TACC1: variants seen among roughly 807,000 people sequenced by gnomAD.
The protein encoded by TACC1 is transforming acidic coiled-coil containing protein 1, also known as transforming acidic coiled-coil-containing protein 1.
Under a neutral mutation model 84.4 loss-of-function variants are expected in TACC1, and 48 were observed. The observed-to-expected ratio is 0.57, with a 90% CI of 0.45 to 0.72. The LOEUF (loss-of-function observed/expected upper bound fraction) is 0.72, where lower values mean the gene tolerates loss of function less well. Ranked by LOEUF, TACC1 falls within the 30% of genes least tolerant of loss-of-function variation. The pLI, the probability that TACC1 is intolerant of heterozygous loss-of-function variation, is 0.00. For synonymous variants in TACC1, 372 were observed against 376.3 expected (o/e 0.99, Z 0.13); for missense variants, 920 against 973.0 (o/e 0.95, Z 0.72).
At chr8:38,773,513 C>T (rs1211882258) in intron 3 of TACC1, among the ~76,000 whole-genome samples, 2 of 150,312 alleles carry the variant, frequency 1.3e-5, no homozygotes, top group Non-Finnish European at 3.0e-5. Flanking sequence ...TTTAAACATA[C>T]ATATTGTCTT....
chr8:38,792,614 C>A (rs1049411688), intron 2 of TACC1, among the ~76,000 whole-genome samples: 1 of 152,150 alleles, frequency 6.6e-6, no homozygotes, highest in African/African-American at 2.4e-5. Context: ...CACAGGCGCC[C>A]ACCACTACGC....
At chr8:38,823,943 T>G in intron 3 of TACC1, 1 of 1,320,768 alleles carries the variant, frequency 7.6e-7, no homozygotes, top group Non-Finnish European at 1.0e-6. Flanking sequence ...GATTTTTTTC[T>G]CCATCTGTCT....
intron 2 of TACC1, among the ~76,000 whole-genome samples, chr8:38,793,167 T>C (rs1267771028): frequency 6.6e-6 from 1 of 152,192 alleles, no homozygotes; most frequent in African/African-American, 2.4e-5. Flanking sequence ...AATGCCTAGG[T>C]ATTTCAAACA....
intron 1 of TACC1, among the ~76,000 whole-genome samples, chr8:38,739,839 C>T: frequency 6.6e-6 from 1 of 152,170 alleles, no homozygotes; most frequent in East Asian, 1.9e-4. Context: ...ATAATAGAGC[C>T]TTCAGGCTGT....
chr8:38,812,656 C>A (rs1264180232), intron 2 of TACC1, among the ~76,000 whole-genome samples: 1 of 152,222 alleles, frequency 6.6e-6, no homozygotes, highest in East Asian at 1.9e-4. Context: ...ATATTCTCTG[C>A]TGCTTAAAAA....
At chr8:38,734,493 C>A (rs1442022438) in intron 1 of TACC1, among the ~76,000 whole-genome samples, 1 of 152,102 alleles carries the variant, frequency 6.6e-6, no homozygotes, top group Non-Finnish European at 1.5e-5. Context: ...ACACGCCTGG[C>A]CATAAGCCTG....
intron 3 of TACC1, chr8:38,757,449 T>G: frequency 8.9e-7 from 1 of 1,126,220 alleles, no homozygotes; most frequent in Middle Eastern, 3.0e-4. Flanking sequence ...CCTTTGGGGG[T>G]TTGCGTGCCA....
chr8:38,755,707 AAACAACAACAACAAC>A (rs71216684), intron 3 of TACC1, among the ~76,000 whole-genome samples: 17 of 140,924 alleles, frequency 1.2e-4, no homozygotes, highest in East Asian at 4.0e-4. Flanking sequence ...CGGTCTTTCA[AAACAACAACAACAAC>A]AACAACAACA....
At chr8:38,796,442 A>G (rs1240435475) in intron 2 of TACC1, among the ~76,000 whole-genome samples, 1 of 152,246 alleles carries the variant, frequency 6.6e-6, no homozygotes, top group Non-Finnish European at 1.5e-5. Flanking sequence ...CATCGTCTTA[A>G]GTATCCTGTC....
chr8:38,821,013 C>A (rs1021106125), intron 3 of TACC1, among the ~76,000 whole-genome samples: 1 of 152,068 alleles, frequency 6.6e-6, no homozygotes, highest in Non-Finnish European at 1.5e-5. Context: ...TGAGACCAGT[C>A]TGACCAACAT....
At chr8:38,830,018 G>A (rs1828904052) in intron 5 of TACC1, among the ~76,000 whole-genome samples, 1 of 152,178 alleles carries the variant, frequency 6.6e-6, no homozygotes, top group East Asian at 1.9e-4. Flanking sequence ...AGGCCTGGTT[G>A]CTTTCTGTAA....
chr8:38,829,070 C>A (rs889489172), intron 5 of TACC1, among the ~76,000 whole-genome samples: 3 of 152,122 alleles, frequency 2.0e-5, no homozygotes, highest in African/African-American at 7.2e-5. Context: ...TTCTTGGGAC[C>A]CCAGTTACAT....
chr8:38,837,313 C>A (rs1352644430), intron 7 of TACC1, among the ~76,000 whole-genome samples: 3 of 151,496 alleles, frequency 2.0e-5, no homozygotes, highest in African/African-American at 7.3e-5. Context: ...ATCCCAGCTA[C>A]TTGGGAGGCT....
intron 3 of TACC1, among the ~76,000 whole-genome samples, chr8:38,762,896 A>G (rs148825895): frequency 6.6e-6 from 1 of 152,056 alleles, no homozygotes; most frequent in African/African-American, 2.4e-5. Context: ...ATCGTTATAC[A>G]AGTACGTGTG....
Position 38,820,342 on chromosome 8 carries a change from G to A in TACC1, c.1098G>A (p.Gln366=). ...DGISKSAGLE[Q]PTDPVARDGP... is the part of the protein sequence containing the mutation. ...TCAGTAAGTCAGCAGGTTTAGAACA[G>A]CCTACAGACCCAGTGGCACGAGACG... The change falls in exon 3 of 13, where the codon CAG becomes CAA. Residue 366 remains glutamine (Q), a synonymous_variant. Coordinates refer to ENST00000317827, the MANE Select transcript of TACC1 (RefSeq NM_006283.3). 2 of 1,614,142 alleles carry A rather than the reference G, an allele frequency of 1.2e-6. No homozygotes were observed. The highest frequency in any genetic ancestry group is 1.7e-6 in the Non-Finnish European group (2 of 1,180,028).
chr8:38,732,399 C>T (rs1805130973), intron 1 of TACC1, among the ~76,000 whole-genome samples: 1 of 150,418 alleles, frequency 6.6e-6, no homozygotes, highest in African/African-American at 2.4e-5. Flanking sequence ...AATTTAAGAG[C>T]TAAATATAGC....
chr8:38,735,162 C>A (rs551318478), intron 1 of TACC1, among the ~76,000 whole-genome samples: 1 of 152,344 alleles, frequency 6.6e-6, no homozygotes, highest in South Asian at 2.1e-4. Flanking sequence ...CTTTTAGAAT[C>A]ATGAGCACCA....
chr8:38,820,376 TC>T lies in TACC1; in HGVS notation c.1135del (p.Gln379LysfsTer57). The T allele has an allele frequency of 6.2e-7, 1 of 1,614,080 alleles. No individual in the cohort carries two copies. Among genetic ancestry groups the T allele is most frequent in the Non-Finnish European group, 8.5e-7 (1 of 1,180,000 alleles). On this transcript the variant is annotated frameshift_variant, in exon 3 of 13. Coordinates refer to ENST00000317827, the MANE Select transcript of TACC1 (RefSeq NM_006283.3). LOFTEE classifies it high-confidence loss of function. ...TDPVARDGPL[S>X]QTSSKPDPSQ... ...CCCAGTGGCACGAGACGGGCCTCTC[TC>T]CCAAACATCTTCCAAGCCAGATCCT... is the stretch of plus-strand genomic sequence containing the variant.
intron 3 of TACC1, among the ~76,000 whole-genome samples, chr8:38,747,583 G>GA (rs1408606303): frequency 1.3e-5 from 2 of 152,148 alleles, no homozygotes; most frequent in East Asian, 1.9e-4. Flanking sequence ...ATTACTAACT[G>GA]AAAAAAGCCA....
Sources: allele counts gnomAD v4.1 joint callset (sites outside exome capture counted in the v4.1 genomes callset), GRCh38; gene constraint gnomAD v4.1.1; transcripts MANE v1.5; gene names NCBI Gene and HGNC (gene_info 2026-07-23, HGNC 2026-07-21).